Variants in CD46 observed in about 807,000 individuals in gnomAD.
The protein encoded by CD46 is CD46 molecule, also known as membrane cofactor protein.
A neutral mutation model predicts 53.3 loss-of-function variants in CD46; 30 were observed. That is an observed-to-expected ratio of 0.56 (90% CI 0.42 to 0.76). The LOEUF is 0.76. Among genes scored for constraint, CD46 ranks in the 30% least tolerant of loss-of-function variants. The probability of loss-of-function intolerance (pLI) is 0.00; values close to 1 mark genes in which losing one functional copy is unlikely to be tolerated. For synonymous variants in CD46, 142 were observed against 152.0 expected (o/e 0.93, Z 0.48); for missense variants, 409 against 463.0 (o/e 0.88, Z 1.07).
At chr1:207,786,681 G>A (rs1023703509) in intron 11 of CD46, among the ~76,000 whole-genome samples, 1 of 152,032 alleles carries the variant, frequency 6.6e-6, no homozygotes, top group Non-Finnish European at 1.5e-5. Flanking sequence ...CTGATCATCA[G>A]GTTTGGGCTA....
intron 12 of CD46, among the ~76,000 whole-genome samples, chr1:207,792,255 G>C (rs1199236594): frequency 6.6e-6 from 1 of 151,910 alleles, no homozygotes; most frequent in African/African-American, 2.4e-5. Flanking sequence ...CTCCAGCCTG[G>C]GTGACAGAGC....
rs370112627 is a variant in CD46, at chr1:207,767,832, A to G, written c.901+9A>G. ...AGCGTCCAGTGCCTCAGGTTTAGTA[A>G]TTTCCTGCTTATAGTTTTTCAAAAA... On this transcript the variant is annotated intron_variant, in intron 7 of 12. Transcript: ENST00000367042. 16 of 1,599,194 alleles carry G rather than the reference A, an allele frequency of 1.0e-5. No homozygotes were observed. Among genetic ancestry groups the G allele is most frequent in the Non-Finnish European group, 1.4e-5 (16 of 1,166,930 alleles).
chr1:207,763,740 G>A (rs537836846), intron 5 of CD46, among the ~76,000 whole-genome samples: 1 of 151,422 alleles, frequency 6.6e-6, no homozygotes, highest in South Asian at 2.1e-4. Context: ...AGCCTACACA[G>A]TTTAGTTGGT....
chr1:207,753,874 C>T (rs985711645), intron 1 of CD46, among the ~76,000 whole-genome samples: 4 of 152,134 alleles, frequency 2.6e-5, no homozygotes, highest in African/African-American at 9.7e-5. Flanking sequence ...TCCTTAGGAG[C>T]ATTCATTCAA....
intron 5 of CD46, among the ~76,000 whole-genome samples, chr1:207,764,473 G>A (rs913266560): frequency 2.0e-5 from 3 of 152,090 alleles, no homozygotes; most frequent in Admixed American, 6.5e-5. Flanking sequence ...CGTCCACCCC[G>A]TATGTGTTTC....
chr1:207,783,249 C>G, intron 8 of CD46, 43 bp from the exon 9 acceptor site: 1 of 1,065,966 alleles, frequency 9.4e-7, no homozygotes. Flanking sequence ...TTAATTCTTT[C>G]CTTCTTTTAT....
At chr1:207,787,973 T>C (rs1240285849) in intron 11 of CD46, among the ~76,000 whole-genome samples, 8 of 152,176 alleles carry the variant, frequency 5.3e-5, no homozygotes. Context: ...CCTGAGACCC[T>C]GCCTGTCTAG....
intron 5 of CD46, among the ~76,000 whole-genome samples, chr1:207,763,910 A>T (rs1571605399): frequency 6.8e-6 from 1 of 146,432 alleles, no homozygotes; most frequent in South Asian, 2.2e-4. Flanking sequence ...CCTGTGTTAC[A>T]GTGAGAGCTT....
At chr1:207,793,230 T>C (rs999165837) in intron 12 of CD46, among the ~76,000 whole-genome samples, 6 of 152,238 alleles carry the variant, frequency 3.9e-5, no homozygotes, top group African/African-American at 1.2e-4. Context: ...GTCTTTCCCA[T>C]TGGCCCTACA....
chr1:207,761,228 C>T, intron 4 of CD46, 21 bp from the exon 5 acceptor site: 1 of 1,499,056 alleles, frequency 6.7e-7, no homozygotes, highest in Non-Finnish European at 9.3e-7. Flanking sequence ...ATTTCCTTTC[C>T]TCTTTTTCTT....
rs550374787 is a variant in CD46 at position 207,790,793 on chromosome 1, C to T, written c.*41+448C>T. Reference sequence around the variant, plus strand: ...AAATAACTCTGTAAAGACATTTTATCAGTTTCCCTGGGCTGGGATATTTTT... The same window carrying T: ...AAATAACTCTGTAAAGACATTTTATTAGTTTCCCTGGGCTGGGATATTTTT... On this transcript the variant is annotated intron_variant, in intron 12 of 12. Coordinates refer to ENST00000367042, the MANE Select transcript of CD46 (RefSeq NM_172351.3). Among the ~76,000 whole-genome samples, 5 of 152,312 alleles carry T rather than the reference C, an allele frequency of 3.3e-5. No homozygotes were observed. In the South Asian group the frequency reaches 1.0e-3, roughly 32 times the overall value.
chr1:207,759,544 A>G, intron 3 of CD46, 95 bp from the exon 4 acceptor site: 1 of 709,580 alleles, frequency 1.4e-6, no homozygotes. Flanking sequence ...AAACTACTGT[A>G]GTGTAGAAAA....
intron 11 of CD46, 86 bp downstream of exon 11, chr1:207,785,768 G>A: frequency 5.0e-6 from 4 of 800,976 alleles, no homozygotes; most frequent in Non-Finnish European, 8.2e-6. Flanking sequence ...AATCTGTATT[G>A]CATGCTATCT....
intron 9 of CD46, 109 bp downstream of exon 9, chr1:207,783,439 C>T (rs1419745483): frequency 1.5e-5 from 11 of 735,458 alleles, no homozygotes; most frequent in Non-Finnish European, 2.0e-5. Flanking sequence ...GGTAAGATAA[C>T]TTTCTTAAAT....
rs755089095 is a variant in CD46, at chr1:207,783,318, C to A, written c.970C>A (p.Leu324Ile). The change falls in exon 9 of 13, where the codon CTT becomes ATT. Residue 324 changes from leucine (L) to isoleucine (I), a missense_variant. Leu to Ile is a conservative substitution (Grantham distance 5). Transcript: ENST00000367042. ...ATATCCTAAACCTGAGGAAGGAATA[C>A]TTGACAGTTTGGGTTGGTATAGCTA... ...PGYPKPEEGI[L>I]DSLDVWVIAV... The A allele has an allele frequency of 1.3e-6, 2 of 1,534,794 alleles. No individual in the cohort carries two copies. Among genetic ancestry groups the A allele is most frequent in the Non-Finnish European group, 1.8e-6 (2 of 1,108,878 alleles).
At position 207,761,398 on chromosome 1, in the gene CD46, T is replaced by C; in HGVS notation, c.625T>C (p.Tyr209His). 6.2e-7 allele frequency: 1 copy of C among 1,614,176 alleles called. No individual in the cohort carries two copies. Among genetic ancestry groups the C allele is most frequent in the Non-Finnish European group, 8.5e-7 (1 of 1,179,998 alleles). ...TTCACTTATTGGAGAGAGCACGATT[T>C]ATTGTGGTGACAATTCAGTGTGGAG... ...PFSLIGESTI[Y>H]CGDNSVWSRA... Residue 209 changes from tyrosine (Y) to histidine (H), a missense_variant, in exon 5 of 13, where the codon TAT becomes CAT. Transcript: ENST00000367042.
intron 12 of CD46, among the ~76,000 whole-genome samples, chr1:207,791,868 A>G (rs948997177): frequency 1.3e-5 from 2 of 152,252 alleles, no homozygotes; most frequent in East Asian, 1.9e-4. Context: ...GTTATATCCA[A>G]TAAATGTTTC....
intron 12 of CD46, 135 bp downstream of exon 12, chr1:207,790,480 T>A: frequency 1.6e-6 from 1 of 608,356 alleles, no homozygotes; most frequent in Non-Finnish European, 2.9e-6. Flanking sequence ...TCCTGTTCCC[T>A]TTGCTAAATT....
At chr1:207,775,003 C>G (rs956983963) in intron 8 of CD46, among the ~76,000 whole-genome samples, 1 of 152,196 alleles carries the variant, frequency 6.6e-6, no homozygotes, top group Admixed American at 6.5e-5. Flanking sequence ...CCATTCTCCC[C>G]GTCACTTTCA....
Sources: allele counts gnomAD v4.1 joint callset (sites outside exome capture counted in the v4.1 genomes callset), GRCh38; gene constraint gnomAD v4.1.1; transcripts MANE v1.5; gene names NCBI Gene and HGNC (gene_info 2026-07-23, HGNC 2026-07-21).